AIG1: variants seen among roughly 807,000 people sequenced by gnomAD.
The protein encoded by AIG1 is androgen-induced gene 1 protein.
In AIG1, 23 loss-of-function variants were observed where a neutral mutation model predicts 31.4. That is an observed-to-expected ratio of 0.73 (90% CI 0.53 to 1.04). The LOEUF (loss-of-function observed/expected upper bound fraction) is 1.04. Ranked by LOEUF, AIG1 falls within the 50% of genes least tolerant of loss-of-function variation. The pLI is 0.00. For missense variants in AIG1, 274 were observed against 295.0 expected (o/e 0.93, Z 0.52); for synonymous variants, 100 against 110.5 (o/e 0.90, Z 0.60).
At position 143,250,678 on chromosome 6, in the gene AIG1, C is replaced by T. The variant is rs1041294871; in HGVS notation, c.400-33432C>T. ...ACCACAGAGACAGAGATTGGAGTGA[C>T]GCCGCTACAAGCCAAGGACTTCCAG... On this transcript the variant is annotated intron_variant, in intron 3 of 5. Coordinates refer to ENST00000357847, the MANE Select transcript of AIG1 (RefSeq NM_016108.4). Among the ~76,000 whole-genome samples, 31 of 152,176 alleles carry T rather than the reference C, an allele frequency of 2.0e-4. No homozygotes were observed. The East Asian group carries it at 2.7e-3, about 13-fold the overall frequency.
chr6:143,136,015 A>G (rs1358606365), intron 1 of AIG1, among the ~76,000 whole-genome samples: 1 of 152,176 alleles, frequency 6.6e-6, no homozygotes, highest in Non-Finnish European at 1.5e-5. Context: ...TGCTGCCTGC[A>G]GTGTTCTCCT....
intron 3 of AIG1, among the ~76,000 whole-genome samples, chr6:143,171,042 A>G (rs1486767545): frequency 1.3e-5 from 2 of 152,098 alleles, no homozygotes; most frequent in East Asian, 3.8e-4. Context: ...AACCTATTCA[A>G]TGAAATAATA....
At chr6:143,184,840 T>A (rs1230970874) in intron 3 of AIG1, among the ~76,000 whole-genome samples, 1 of 152,110 alleles carries the variant, frequency 6.6e-6, no homozygotes, top group African/African-American at 2.4e-5. Flanking sequence ...TTTATCCGGG[T>A]CTTGTGGAAA....
chr6:143,163,280 A>C (rs577858456), intron 2 of AIG1, among the ~76,000 whole-genome samples: 1 of 152,330 alleles, frequency 6.6e-6, no homozygotes, highest in Non-Finnish European at 1.5e-5. Context: ...ATCTTTAATT[A>C]AGTGTTTACT....
intron 3 of AIG1, among the ~76,000 whole-genome samples, chr6:143,278,180 T>C (rs1470699262): frequency 6.6e-6 from 1 of 152,208 alleles, no homozygotes; most frequent in Non-Finnish European, 1.5e-5. Flanking sequence ...CTCCAACTCA[T>C]CCATCTTTCC....
chr6:143,085,224 C>G (rs1415560933), intron 1 of AIG1, among the ~76,000 whole-genome samples: 2 of 152,108 alleles, frequency 1.3e-5, no homozygotes, highest in East Asian at 3.9e-4. Flanking sequence ...GTGTTTTTGC[C>G]TTGTGGAGAA....
intron 4 of AIG1, among the ~76,000 whole-genome samples, chr6:143,307,862 G>A (rs1799460353): frequency 6.6e-6 from 1 of 152,244 alleles, no homozygotes; most frequent in African/African-American, 2.4e-5. Flanking sequence ...GCTCCACCCA[G>A]TTCAAGCTTC....
At position 143,292,560 on chromosome 6, in the gene AIG1, T is replaced by C. The variant is rs1798127443; in HGVS notation, c.515+8335T>C. On this transcript the variant is annotated intron_variant, in intron 4 of 5. Coordinates refer to ENST00000357847, the MANE Select transcript of AIG1 (RefSeq NM_016108.4). This position sits in a 1 kb window ranked among gnomAD's most constrained non-coding sequence, Gnocchi z 4.9. Reference sequence around the variant, plus strand: ...GGGCTTCCAGAAAGGAACTCAGCCCTGCTGACACCTTAATTTTAGCTCAGT... The same window carrying C: ...GGGCTTCCAGAAAGGAACTCAGCCCCGCTGACACCTTAATTTTAGCTCAGT... Among the ~76,000 whole-genome samples, 1 of 151,298 alleles carries C rather than the reference T, an allele frequency of 6.6e-6. No individual in the cohort carries two copies. Among genetic ancestry groups the C allele is most frequent in the Non-Finnish European group, 1.5e-5 (1 of 68,028 alleles).
chr6:143,218,962 C>T lies in AIG1; in HGVS notation c.399+53779C>T, dbSNP rs1792248047. Among the ~76,000 whole-genome samples the T allele has an allele frequency of 2.0e-5, 3 of 152,160 alleles. 1 individual carries two copies. In the South Asian group the frequency reaches 6.2e-4, roughly 32 times the overall value. On this transcript the variant is annotated intron_variant, in intron 3 of 5. Coordinates refer to ENST00000357847, the MANE Select transcript of AIG1 (RefSeq NM_016108.4). ...CCTCACTCCTAGACCCTGGCTGAAA[C>T]ATCTTTTGGTTCTGAGGAAACCTCT...
chr6:143,148,829 AAGAG>A (rs888198252), intron 2 of AIG1, among the ~76,000 whole-genome samples: 13 of 151,930 alleles, frequency 8.6e-5, no homozygotes, highest in South Asian at 6.2e-4. Flanking sequence ...CAAAAAAAAA[AAGAG>A]AGAGAGAGAA....
At chr6:143,072,786 TG>T (rs1385880615) in intron 1 of AIG1, among the ~76,000 whole-genome samples, 1 of 152,264 alleles carries the variant, frequency 6.6e-6, no homozygotes, top group African/African-American at 2.4e-5. Context: ...CATGATGTTA[TG>T]GGATATATTT....
chr6:143,215,547 C>T (rs749093985), intron 3 of AIG1, among the ~76,000 whole-genome samples: 30 of 152,254 alleles, frequency 2.0e-4, no homozygotes, highest in Middle Eastern at 3.4e-3. Flanking sequence ...GACTGTTTAA[C>T]GAGAGCTGAC....
chr6:143,182,898 A>G (rs1788866525), intron 3 of AIG1, among the ~76,000 whole-genome samples: 1 of 152,244 alleles, frequency 6.6e-6, no homozygotes, highest in African/African-American at 2.4e-5. Flanking sequence ...TTGACAGAGA[A>G]TACAACCTCA....
At position 143,288,342 on chromosome 6, in the gene AIG1, T is replaced by C. The variant is rs926919931; in HGVS notation, c.515+4117T>C. Among the ~76,000 whole-genome samples, 3 of 152,150 alleles carry C rather than the reference T, an allele frequency of 2.0e-5. No individual in the cohort carries two copies. The highest frequency in any genetic ancestry group is 4.4e-5 in the Non-Finnish European group (3 of 68,032). On this transcript the variant is annotated intron_variant, in intron 4 of 5. Coordinates refer to ENST00000357847, the MANE Select transcript of AIG1 (RefSeq NM_016108.4). This position sits in a 1 kb window ranked among gnomAD's most constrained non-coding sequence, Gnocchi z 4.4. ...TCTCCCTCCTTCAGGGGTTTCTCAT[T>C]CAATCAGAGCCCATGTGAGATCTCA...
intron 3 of AIG1, among the ~76,000 whole-genome samples, chr6:143,180,595 C>G (rs537477508): frequency 6.2e-4 from 95 of 152,248 alleles, no homozygotes; most frequent in Middle Eastern, 6.8e-3. Context: ...CAGGAAATAA[C>G]AACAATCAGA....
intron 3 of AIG1, among the ~76,000 whole-genome samples, chr6:143,216,126 T>C (rs905991702): frequency 6.6e-6 from 1 of 151,758 alleles, no homozygotes; most frequent in Non-Finnish European, 1.5e-5. Flanking sequence ...ATGAAACTTT[T>C]GATTTGAAGG....
At chr6:143,245,189 G>T (rs944613110) in intron 3 of AIG1, among the ~76,000 whole-genome samples, 1 of 151,920 alleles carries the variant, frequency 6.6e-6, no homozygotes, top group African/African-American at 2.4e-5. Flanking sequence ...GAGTATAGTT[G>T]GCAAAACACT....
chr6:143,266,423 T>G (rs1796164026), intron 3 of AIG1, among the ~76,000 whole-genome samples: 2 of 151,696 alleles, frequency 1.3e-5, no homozygotes, highest in African/African-American at 4.9e-5. Flanking sequence ...TGAGATCAGC[T>G]GTCAAGAATT....
intron 4 of AIG1, among the ~76,000 whole-genome samples, chr6:143,308,512 C>T (rs569612763): frequency 1.4e-4 from 22 of 152,290 alleles, no homozygotes; most frequent in South Asian, 6.2e-4. Context: ...TTCTGATAAG[C>T]GTCACTTCTC....
Sources: gnomAD v4.1 joint callset for allele counts (sites outside exome capture counted in the v4.1 genomes callset) on GRCh38, gnomAD v4.1.1 for gene constraint, Gnocchi (gnomAD v3.1) non-coding constraint, MANE v1.5 for transcripts, NCBI Gene and HGNC (gene_info 2026-07-23, HGNC 2026-07-21) for gene names.